MARCHF1: variants seen among roughly 807,000 people sequenced by gnomAD.
The protein encoded by MARCHF1 is membrane associated ring-CH-type finger 1, also known as E3 ubiquitin-protein ligase MARCHF1.
In MARCHF1, 40 loss-of-function variants were observed where a neutral mutation model predicts 54.2. The ratio of observed to expected loss-of-function variants is 0.74; its 90% confidence interval spans 0.57 to 0.96. The LOEUF (loss-of-function observed/expected upper bound fraction) is 0.96. MARCHF1 is among the 40% of genes least tolerant of loss of function. The pLI, the probability that MARCHF1 is intolerant of heterozygous loss-of-function variation, is 0.00. For missense variants in MARCHF1, 586 were observed against 656.5 expected (o/e 0.89, Z 1.17); for synonymous variants, 236 against 236.3 (o/e 1.00, Z 0.01).
intron 1 of MARCHF1, among the ~76,000 whole-genome samples, chr4:164,138,497 T>C (rs1412929197): frequency 2.0e-5 from 3 of 152,142 alleles, no homozygotes; most frequent in Non-Finnish European, 2.9e-5. Flanking sequence ...GACTTTGAGA[T>C]ATAGGTGTTC....
At chr4:164,174,611 A>G (rs1290601150) in intron 1 of MARCHF1, among the ~76,000 whole-genome samples, 1 of 152,196 alleles carries the variant, frequency 6.6e-6, no homozygotes, top group African/African-American at 2.4e-5. Context: ...TCCAGGTGCT[A>G]GAAAACTTCA....
In MARCHF1 at chr4:164,196,141, G is replaced by A. The variant is rs1234482978; in HGVS notation, c.-322-84479C>T. Among the ~76,000 whole-genome samples, 5 of 152,130 alleles carry A rather than the reference G, an allele frequency of 3.3e-5. No individual in the cohort carries two copies. In the East Asian group the frequency reaches 9.7e-4, roughly 29 times the overall value. On this transcript the variant is annotated intron_variant, in intron 1 of 9. Transcript: ENST00000514618. ...ATTCATGTTATTTGACTTGTTGCTG[G>A]TTGTATCTTTCAATGTACAATGATA...
intron 1 of MARCHF1, among the ~76,000 whole-genome samples, chr4:164,127,423 T>C (rs17044524): frequency 0.016 from 2,394 of 152,292 alleles, 62 homozygotes; most frequent in African/African-American, 0.055. Flanking sequence ...TGTTCACTTG[T>C]GTTAGATTTA....
rs10604337 is a variant in MARCHF1 at position 164,211,331 on chromosome 4, GTATATA to G, written c.-322-99675_-322-99670del. On this transcript the variant is annotated intron_variant, in intron 1 of 9. Transcript: ENST00000514618. ...AACCTGCATATGTGTATGTATGTAT[GTATATA>G]TATATATATATATATATACCACATT... Among the ~76,000 whole-genome samples the G allele has an allele frequency of 1.2e-3, 143 of 115,954 alleles. 1 individual carries two copies. The highest frequency in any genetic ancestry group is 3.0e-3 in the African/African-American group (109 of 36,198). 76.1% of individuals were successfully genotyped at this position (115,954 alleles called of 152,430 possible). A position where few individuals can be genotyped will look rare whatever the true frequency, so the allele number is the denominator to read the frequency against.
chr4:164,220,380 C>T lies in MARCHF1; in HGVS notation c.-322-108718G>A, dbSNP rs186254988. Among the ~76,000 whole-genome samples the T allele has an allele frequency of 3.9e-3, 569 of 145,584 alleles. 3 individuals carry two copies. Among genetic ancestry groups the T allele is most frequent in the Non-Finnish European group, 4.2e-3 (279 of 66,468 alleles). ...TATATACATATTCCCATATATATTC[C>T]ATTCCTATGTATATAGGAATTCCAT... On this transcript the variant is annotated intron_variant, in intron 1 of 9. Coordinates refer to ENST00000514618, the MANE Select transcript of MARCHF1 (RefSeq NM_001394959.1).
intron 3 of MARCHF1, among the ~76,000 whole-genome samples, chr4:163,901,669 A>G (rs1465986168): frequency 6.6e-6 from 1 of 152,226 alleles, no homozygotes; most frequent in African/African-American, 2.4e-5. Flanking sequence ...TAGGCAGTAA[A>G]GATTTACAGC....
chr4:163,663,645 T>A (rs750039807), intron 5 of MARCHF1, among the ~76,000 whole-genome samples: 1 of 152,094 alleles, frequency 6.6e-6, no homozygotes, highest in South Asian at 2.1e-4. Flanking sequence ...GAGTGAGCAA[T>A]AGGTGGCAGG....
At chr4:163,668,738 A>G (rs1743627402) in intron 5 of MARCHF1, among the ~76,000 whole-genome samples, 1 of 152,208 alleles carries the variant, frequency 6.6e-6, no homozygotes, top group African/African-American at 2.4e-5. Flanking sequence ...TAGTATCTCC[A>G]AAAGGCAAAA....
intron 2 of MARCHF1, among the ~76,000 whole-genome samples, chr4:164,003,791 C>A (rs1222885898): frequency 6.6e-6 from 1 of 151,876 alleles, no homozygotes; most frequent in African/African-American, 2.4e-5. Context: ...ACTAGGTATA[C>A]AATGAAAGGA....
At chr4:163,678,931 A>G (rs1334442088) in intron 5 of MARCHF1, among the ~76,000 whole-genome samples, 1 of 152,204 alleles carries the variant, frequency 6.6e-6, no homozygotes, top group African/African-American at 2.4e-5. Flanking sequence ...GGTTTTAAGC[A>G]ACATTTCATT....
At chr4:164,253,521 T>G (rs1056783658) in intron 1 of MARCHF1, among the ~76,000 whole-genome samples, 1 of 152,162 alleles carries the variant, frequency 6.6e-6, no homozygotes, top group African/African-American at 2.4e-5. Flanking sequence ...ATGGTAGCAG[T>G]GGATTACAGC....
intron 1 of MARCHF1, chr4:164,189,012 A>G (rs1579607449): frequency 1.4e-6 from 1 of 699,970 alleles, no homozygotes; most frequent in Non-Finnish European, 2.6e-6. Flanking sequence ...TATGGCCTGG[A>G]TAAGAGGGAG....
At chr4:164,097,659 A>G (rs1755445105) in intron 2 of MARCHF1, among the ~76,000 whole-genome samples, 1 of 152,154 alleles carries the variant, frequency 6.6e-6, no homozygotes, top group Admixed American at 6.6e-5. Context: ...CTGAGAGGGA[A>G]TGCATAACCT....
At position 164,134,142 on chromosome 4, in the gene MARCHF1, T is replaced by C. The variant is rs371673372; in HGVS notation, c.-322-22480A>G. ...CTTTCTAAAAATCTTTTTAGTCAGA[T>C]ATTACAAAGAAAGTTCATAAATAGG... On this transcript the variant is annotated intron_variant, in intron 1 of 9. Coordinates refer to ENST00000514618, the MANE Select transcript of MARCHF1 (RefSeq NM_001394959.1). Among the ~76,000 whole-genome samples, 3 of 152,182 alleles carry C rather than the reference T, an allele frequency of 2.0e-5. No individual in the cohort carries two copies. The East Asian group carries it at 5.8e-4, about 29-fold the overall frequency.
At chr4:163,545,348 T>A (rs1201837273) in intron 9 of MARCHF1, among the ~76,000 whole-genome samples, 2 of 152,234 alleles carry the variant, frequency 1.3e-5, no homozygotes, top group African/African-American at 4.8e-5. Flanking sequence ...GCCATTTGTG[T>A]GTAACTGCCA....
intron 2 of MARCHF1, among the ~76,000 whole-genome samples, chr4:163,996,181 A>G (rs1169393990): frequency 6.6e-6 from 1 of 151,934 alleles, no homozygotes; most frequent in Non-Finnish European, 1.5e-5. Context: ...TCACAGGTAT[A>G]ATTAATCTAA....
chr4:163,977,998 C>G (rs1461530416), intron 3 of MARCHF1, among the ~76,000 whole-genome samples: 2 of 152,036 alleles, frequency 1.3e-5, no homozygotes, highest in Non-Finnish European at 2.9e-5. Context: ...TTAAAATATT[C>G]AAAAGCCCAT....
chr4:163,575,719 C>G (rs761943868), intron 8 of MARCHF1, among the ~76,000 whole-genome samples: 2 of 151,644 alleles, frequency 1.3e-5, no homozygotes, highest in African/African-American at 2.4e-5. Flanking sequence ...GATTCAATTT[C>G]AGAACTTGAT....
chr4:163,617,946 G>C (rs970421415), intron 5 of MARCHF1, among the ~76,000 whole-genome samples: 1 of 152,116 alleles, frequency 6.6e-6, no homozygotes, highest in Non-Finnish European at 1.5e-5. Flanking sequence ...CTGAACAAAT[G>C]TATGTTTTAC....
Sources: gnomAD v4.1 joint callset for allele counts (sites outside exome capture counted in the v4.1 genomes callset) on GRCh38, gnomAD v4.1.1 for gene constraint, MANE v1.5 for transcripts, NCBI Gene and HGNC (gene_info 2026-07-23, HGNC 2026-07-21) for gene names.